LPIN2: variants seen among roughly 807,000 people sequenced by gnomAD.
The protein encoded by LPIN2 is lipin 2, also known as phosphatidate phosphatase LPIN2.
A neutral mutation model predicts 111.4 loss-of-function variants in LPIN2; 55 were observed. The ratio of observed to expected loss-of-function variants is 0.49; its 90% CI spans 0.40 to 0.62. The LOEUF (loss-of-function observed/expected upper bound fraction) is 0.62. LPIN2 is among the 20% of genes least tolerant of loss of function. The pLI is 0.00. For synonymous variants in LPIN2, 425 were observed against 414.0 expected, an observed-to-expected ratio of 1.03 and a Z score of -0.32; for missense variants, 992 against 1,112.1, an observed-to-expected ratio of 0.89 and a Z score of 1.54.
At chr18:3,001,339 G>T (rs1030938906) in intron 1 of LPIN2, among the ~76,000 whole-genome samples, 19 of 152,026 alleles carry the variant, frequency 1.2e-4, no homozygotes, top group Non-Finnish European at 1.5e-5. Flanking sequence ...AGAAACTGGG[G>T]GCCTGAATTT....
chr18:2,933,430 T>G (rs1342026922), intron 8 of LPIN2, among the ~76,000 whole-genome samples: 1 of 152,234 alleles, frequency 6.6e-6, no homozygotes, highest in African/African-American at 2.4e-5. Context: ...ACTGTTAAAA[T>G]AAAGCCGTTT....
Position 2,979,467 on chromosome 18 carries a change from C to CA in LPIN2, c.-9-18619dup, listed in dbSNP as rs199553767. ...ATTCCGACATATTAGTGGAGGCAAA[C>CA]AAAAAAAAATTGATTTACATGCATC... On this transcript the variant is annotated intron_variant, in intron 1 of 19. Coordinates refer to ENST00000677752, the MANE Select transcript of LPIN2 (RefSeq NM_001375808.2). 2.5e-3 allele frequency among the ~76,000 whole-genome samples: 385 copies of CA among 151,262 alleles called. 1 individual carries two copies. Among genetic ancestry groups the CA allele is most frequent in the East Asian group, 0.014 (74 of 5,158 alleles).
At chr18:2,972,405 A>G (rs1179266166) in intron 1 of LPIN2, 1 of 152,248 alleles carries the variant, frequency 6.6e-6, no homozygotes, top group Non-Finnish European at 1.5e-5. Context: ...GCATTATTAC[A>G]GAAAACAAAG....
At chr18:3,004,879 C>A (rs752093479) in intron 1 of LPIN2, among the ~76,000 whole-genome samples, 15 of 152,222 alleles carry the variant, frequency 9.9e-5, no homozygotes, top group Non-Finnish European at 1.8e-4. Context: ...TTGTCCAACT[C>A]ATTCCAAAGT....
intron 15 of LPIN2, 94 bp downstream of exon 15, chr18:2,924,304 C>T (rs1289054212): frequency 7.2e-6 from 11 of 1,520,518 alleles, no homozygotes; most frequent in South Asian, 1.1e-5. Flanking sequence ...CTGAGGGCTT[C>T]GAGCCCCAGG....
chr18:2,951,461 A>T, intron 3 of LPIN2, 105 bp from the exon 4 acceptor site: 1 of 924,612 alleles, frequency 1.1e-6, no homozygotes, highest in Non-Finnish European at 1.7e-6. Context: ...AAAAAAAAAA[A>T]AATACATATT....
intron 16 of LPIN2, 92 bp downstream of exon 16, chr18:2,923,683 T>C (rs1466728642): frequency 9.5e-7 from 1 of 1,051,218 alleles, no homozygotes; most frequent in African/African-American, 1.6e-5. Flanking sequence ...AACACATGAC[T>C]CATGTGGACT....
rs201160155 is a variant in LPIN2 at position 2,920,363 on chromosome 18, C to A, written c.2621G>T (p.Cys874Phe). 8.0e-4 allele frequency: 1,298 copies of A among 1,614,118 alleles called. 16 individuals are homozygous for A. In the South Asian group the frequency reaches 9.2e-3, roughly 11 times the overall value. Reference sequence around the variant, plus strand: ...GTAGCAGAAGGAGCTGAACTCCGGGCAGGGAAAAGCGGAATTCTGCTCCTT... The same window carrying A: ...GTAGCAGAAGGAGCTGAACTCCGGGAAGGGAAAAGCGGAATTCTGCTCCTT... Reference protein sequence around the residue: ...LSKEQNSAFPCPEFSSFCYWR... With the variant: ...LSKEQNSAFPFPEFSSFCYWR... Residue 874 changes from cysteine (C) to phenylalanine (F), a missense_variant, in exon 20 of 20, where the codon TGC becomes TTC. Around this residue, in one of 4 missense-constraint regions of LPIN2, gnomAD observed 185 missense variants for 186.5 expected, o/e 0.99. Coordinates refer to ENST00000677752, the MANE Select transcript of LPIN2 (RefSeq NM_001375808.2).
intron 1 of LPIN2, among the ~76,000 whole-genome samples, chr18:3,012,196 T>C (rs1254888198): frequency 6.6e-6 from 1 of 151,790 alleles, no homozygotes; most frequent in African/African-American, 2.4e-5. Flanking sequence ...AAAAAAAAAA[T>C]GGGTAAGCCC....
chr18:2,998,652 T>C (rs549970127), intron 1 of LPIN2, among the ~76,000 whole-genome samples: 1 of 150,640 alleles, frequency 6.6e-6, no homozygotes, highest in Admixed American at 6.7e-5. Context: ...AGAAAAGCGT[T>C]GTAGAGCCCA....
At chr18:2,959,730 A>G (rs535420403) in intron 2 of LPIN2, among the ~76,000 whole-genome samples, 1 of 152,366 alleles carries the variant, frequency 6.6e-6, no homozygotes, top group South Asian at 2.1e-4. Context: ...ACAAAAGTCA[A>G]CCAGCCTATG....
At chr18:2,921,197 C>T (rs1336831858) in intron 18 of LPIN2, 4 of 545,372 alleles carry the variant, frequency 7.3e-6, no homozygotes, top group Non-Finnish European at 6.6e-6. Context: ...GAAGTGCTAG[C>T]GAAGGGCCAG....
chr18:2,937,571 A>AAAAAG, intron 7 of LPIN2, 121 bp downstream of exon 7: 1 of 591,230 alleles, frequency 1.7e-6, no homozygotes, highest in Non-Finnish European at 2.8e-6. Context: ...AAAAAAAAAA[A>AAAAAG]GTGCGACGGG....
At chr18:2,921,175 G>A (rs2077048590) in intron 18 of LPIN2, 7 of 553,792 alleles carry the variant, frequency 1.3e-5, no homozygotes, top group South Asian at 2.0e-5. Context: ...CTGCAGAAGG[G>A]AGGCAGGTTG....
In LPIN2 at chr18:2,940,692, A is replaced by G. The variant is rs2144210007; in HGVS notation, c.611T>C (p.Leu204Ser). The G allele has an allele frequency of 6.2e-7, 1 of 1,611,776 alleles. No homozygotes were observed. Among genetic ancestry groups the G allele is most frequent in the Non-Finnish European group, 8.5e-7 (1 of 1,178,244 alleles). ...QAARGSSNAS[L>S]KEEECKEPLL... ...AGGCTCTTTACATTCTTCTTCTTTC[A>G]AGGAAGCATTTGAAGATCCTCTGTG... Residue 204 changes from leucine to serine, a missense_variant, in exon 5 of 20, where the codon TTG becomes TCG. Transcript: ENST00000677752.
chr18:2,970,282 A>G (rs1375231160), intron 1 of LPIN2, among the ~76,000 whole-genome samples: 2 of 152,248 alleles, frequency 1.3e-5, no homozygotes, highest in Non-Finnish European at 2.9e-5. Context: ...ACCGAAACAC[A>G]AGGGTGGGCC....
chr18:2,988,012 C>CAAA (rs761121515), intron 1 of LPIN2, among the ~76,000 whole-genome samples: 2,029 of 32,322 alleles, frequency 0.063, 359 homozygotes, highest in African/African-American at 0.15. Flanking sequence ...GAGACTGTCT[C>CAAA]AAAAAAAAAA....
intron 4 of LPIN2, chr18:2,950,434 G>GA (rs1008177966): frequency 6.5e-6 from 1 of 153,716 alleles, no homozygotes; most frequent in African/African-American, 2.4e-5. Context: ...CCAATAAAGA[G>GA]AATCCCCACC....
At chr18:2,956,011 C>G (rs1418309447) in intron 2 of LPIN2, among the ~76,000 whole-genome samples, 4 of 152,138 alleles carry the variant, frequency 2.6e-5, no homozygotes, top group Non-Finnish European at 5.9e-5. Context: ...TGGAACTAAC[C>G]TTACCTTGGA....
Sources: allele counts gnomAD v4.1 joint callset (sites outside exome capture counted in the v4.1 genomes callset), GRCh38; gene constraint gnomAD v4.1.1; regional missense constraint gnomAD v4.1.1; transcripts MANE v1.5; gene names NCBI Gene and HGNC (gene_info 2026-07-23, HGNC 2026-07-21).